Variants in DELE1 observed in about 807,000 individuals in gnomAD.
DELE1 encodes DAP3 binding cell death enhancer 1, also known as death ligand signal enhancer.
In DELE1, 54 loss-of-function variants were observed where a neutral mutation model predicts 59.3. That is an observed-to-expected ratio of 0.91 (90% CI 0.73 to 1.14). The LOEUF is 1.14. Ranked by LOEUF, DELE1 falls within the 50% of genes most tolerant of loss-of-function variation. The pLI, the probability that DELE1 is intolerant of heterozygous loss-of-function variation, is 0.00. For missense variants in DELE1, 636 were observed against 643.9 expected, an observed-to-expected ratio of 0.99 and a Z score of 0.13; for synonymous variants, 264 against 259.1, an observed-to-expected ratio of 1.02 and a Z score of -0.18.
rs779504493 is a variant in DELE1, at chr5:141,938,614, G to A, written c.1403G>A (p.Arg468His). Residue 468 changes from arginine to histidine, a missense_variant, in exon 12 of 12, where the codon CGC becomes CAC. Arg to His is a conservative substitution (Grantham distance 29). Coordinates refer to ENST00000432126, the MANE Select transcript of DELE1 (RefSeq NM_014773.5). The stretch of plus-strand genomic sequence containing the variant: ...AACACCCTGCTAGCAGGAACCTCAC[G>A]CCTACCACATGCCTCGAGCACAGGC... ...SLNTLLAGTS[R>H]LPHASSTGNL... 18 of 1,613,924 alleles carry A rather than the reference G, an allele frequency of 1.1e-5. No homozygotes were observed. The highest frequency in any genetic ancestry group is 6.7e-5 in the East Asian group (3 of 44,878).
At chr5:141,934,153 A>C in intron 8 of DELE1, 87 bp from the exon 9 acceptor site, 1 of 1,123,046 alleles carries the variant, frequency 8.9e-7, no homozygotes, top group Non-Finnish European at 1.2e-6. Flanking sequence ...TGTATTAGTT[A>C]ATTAAAATAA....
intron 8 of DELE1, 123 bp downstream of exon 8, chr5:141,933,524 T>C: frequency 1.5e-6 from 1 of 670,706 alleles, no homozygotes; most frequent in Non-Finnish European, 2.2e-6. Context: ...CTAGCCCAGC[T>C]GCGAAGGAAA....
intron 11 of DELE1, among the ~76,000 whole-genome samples, chr5:141,937,899 A>G (rs1057040240): frequency 1.3e-5 from 2 of 148,638 alleles, no homozygotes; most frequent in Non-Finnish European, 3.0e-5. Flanking sequence ...ATCTCGGCTC[A>G]CTGCAACCTC....
Position 141,939,485 on chromosome 5 carries a change from A to G in DELE1, c.*726A>G, listed in dbSNP as rs1157639391. ...CCCCCGTGGGCTCATAATCGTTTTC[A>G]TTTCACCTTTGATTTGGAAGGAAGA... On this transcript the variant is annotated 3_prime_UTR_variant, in exon 12 of 12. Coordinates refer to ENST00000432126, the MANE Select transcript of DELE1 (RefSeq NM_014773.5). 4.1e-6 allele frequency: 4 copies of G among 985,634 alleles called. No homozygotes were observed. Among genetic ancestry groups the G allele is most frequent in the Non-Finnish European group, 4.8e-6 (4 of 829,928 alleles). The allele number at this position is 985,634 out of a possible 1,614,324, so 61.1% of individuals were successfully genotyped here. A position where few individuals can be genotyped will look rare whatever the true frequency, so the allele number is the denominator to read the frequency against.
chr5:141,938,278 G>A (rs1270328220), intron 11 of DELE1, among the ~76,000 whole-genome samples: 2 of 152,188 alleles, frequency 1.3e-5, no homozygotes, highest in Non-Finnish European at 2.9e-5. Flanking sequence ...ACTTAGCACA[G>A]CCTGACAGCA....
chr5:141,925,354 C>T (rs1267163008), intron 2 of DELE1, 56 bp from the exon 3 acceptor site: 8 of 1,239,774 alleles, frequency 6.5e-6, no homozygotes, highest in Admixed American at 2.4e-5. Context: ...AGCCACCGCA[C>T]CCAGTCCCTG....
At position 141,940,488 on chromosome 5, in the gene DELE1, T is replaced by C. The variant is rs544024787; in HGVS notation, c.*1729T>C. 36 of 985,274 alleles carry C rather than the reference T, an allele frequency of 3.7e-5. No individual in the cohort carries two copies. In the African/African-American group the frequency reaches 6.1e-4, roughly 17 times the overall value. The allele number at this position is 985,274 out of a possible 1,614,324, so 61.0% of individuals were successfully genotyped here. A position where few individuals can be genotyped will look rare whatever the true frequency, so the allele number is the denominator to read the frequency against. On this transcript the variant is annotated 3_prime_UTR_variant, in exon 12 of 12. Coordinates refer to ENST00000432126, the MANE Select transcript of DELE1 (RefSeq NM_014773.5). ...AGTGGAGACCAACCAGCCTGGCCAATTCAAAGGCAAGAAGATTTGAGGGGG... is the reference window on the plus strand; with the variant it reads ...AGTGGAGACCAACCAGCCTGGCCAACTCAAAGGCAAGAAGATTTGAGGGGG...
At chr5:141,936,912 C>A (rs897965589) in intron 10 of DELE1, 1 of 985,358 alleles carries the variant, frequency 1.0e-6, no homozygotes, top group Non-Finnish European at 1.2e-6. Context: ...TTTCCTGTAG[C>A]CTTCGTTGTG....
At chr5:141,934,126 C>T in intron 8 of DELE1, 114 bp from the exon 9 acceptor site, 1 of 789,988 alleles carries the variant, frequency 1.3e-6, no homozygotes, top group Non-Finnish European at 1.8e-6. Context: ...AATTTTCTGA[C>T]TAGTCTATAA....
chr5:141,931,877 A>G (rs1244592633), intron 7 of DELE1, among the ~76,000 whole-genome samples: 1 of 152,134 alleles, frequency 6.6e-6, no homozygotes, highest in East Asian at 1.9e-4. Flanking sequence ...CCCTTCATTC[A>G]TATATTCATT....
intron 3 of DELE1, among the ~76,000 whole-genome samples, chr5:141,925,743 C>T (rs537525942): frequency 9.2e-5 from 14 of 152,136 alleles, no homozygotes; most frequent in South Asian, 6.2e-4. Flanking sequence ...TATGTAACAC[C>T]TTGTCTGGGC....
At position 141,925,540 on chromosome 5, in the gene DELE1, C is replaced by T. The variant is rs1236360736; in HGVS notation, c.264+13C>T. ...TGCCATATCTTGGGTAAGGCTTCCCCAGCCTGGTCCTTGACCTTCAGTGTA... is the reference window on the plus strand; with the variant it reads ...TGCCATATCTTGGGTAAGGCTTCCCTAGCCTGGTCCTTGACCTTCAGTGTA... On this transcript the variant is annotated intron_variant, in intron 3 of 11. Transcript: ENST00000432126. 1 of 1,534,786 alleles carries T rather than the reference C, an allele frequency of 6.5e-7. No homozygotes were observed. Among genetic ancestry groups the T allele is most frequent in the South Asian group, 1.2e-5 (1 of 84,366 alleles).
intron 7 of DELE1, 50 bp downstream of exon 7, chr5:141,930,324 G>C (rs1339534455): frequency 1.5e-6 from 2 of 1,319,552 alleles, no homozygotes; most frequent in Admixed American, 1.8e-5. Context: ...AAATGGAAAG[G>C]GTATGGGGTA....
chr5:141,926,979 C>T (rs1173183204), intron 3 of DELE1, among the ~76,000 whole-genome samples: 1 of 152,208 alleles, frequency 6.6e-6, no homozygotes, highest in African/African-American at 2.4e-5. Context: ...GGCCTTAGCC[C>T]ACACGTCACC....
rs898408408 is a variant in DELE1, at chr5:141,941,951, G to A, written c.*3192G>A. 3.2e-5 allele frequency: 32 copies of A among 984,756 alleles called. No individual in the cohort carries two copies. Among genetic ancestry groups the A allele is most frequent in the East Asian group, 2.3e-4 (2 of 8,826 alleles). The allele number at this position is 984,756 out of a possible 1,614,324, so 61.0% of individuals were successfully genotyped here. ...AATTCTGTATTGCCCCCCACTCGCCGCCTATACACACGCACACACGCACAC... is the reference window on the plus strand; with the variant it reads ...AATTCTGTATTGCCCCCCACTCGCCACCTATACACACGCACACACGCACAC... On this transcript the variant is annotated 3_prime_UTR_variant, in exon 12 of 12. Transcript: ENST00000432126.
At position 141,937,327 on chromosome 5, in the gene DELE1, C is replaced by T; in HGVS notation, c.1279C>T (p.Leu427=). ...GGGAAATGAGGCCGCCCAGGAGAGG[C>T]TGCGAGCCCTCTTTTCCATGGGGGC... ...ALGNEAAQER[L]RALFSMGAAA... Residue 427 remains leucine, a synonymous_variant, in exon 11 of 12, where the codon CTG becomes TTG. Coordinates refer to ENST00000432126, the MANE Select transcript of DELE1 (RefSeq NM_014773.5). 3 of 1,614,154 alleles carry T rather than the reference C, an allele frequency of 1.9e-6. No individual in the cohort carries two copies. The highest frequency in any genetic ancestry group is 2.5e-6 in the Non-Finnish European group (3 of 1,180,024).
Position 141,930,348 on chromosome 5 carries a change from C to G in DELE1, c.754+74C>G, listed in dbSNP as rs189343437. ...GGGTATGGGGTAGCTCAGATATAGT[C>G]AAGATAGGGAGTGGCTTAAACGAGA... On this transcript the variant is annotated intron_variant, in intron 7 of 11. Transcript: ENST00000432126. 107 of 1,084,876 alleles carry G rather than the reference C, an allele frequency of 9.9e-5. 1 individual carries two copies. The East Asian group carries it at 1.9e-3, about 19-fold the overall frequency. The allele number at this position is 1,084,876 out of a possible 1,614,324, so 67.2% of individuals were successfully genotyped here.
chr5:141,932,960 G>A (rs1752029311), intron 7 of DELE1, among the ~76,000 whole-genome samples: 1 of 151,596 alleles, frequency 6.6e-6, no homozygotes, highest in Non-Finnish European at 1.5e-5. Flanking sequence ...CCAGGCATGG[G>A]GTCAGGCATC....
chr5:141,936,789 A>G, intron 10 of DELE1: 1 of 760,148 alleles, frequency 1.3e-6, no homozygotes, highest in Non-Finnish European at 1.6e-6. Context: ...TCCCAGGCAG[A>G]GATTCAGGAA....
Sources: gnomAD v4.1 joint callset for allele counts (sites outside exome capture counted in the v4.1 genomes callset) on GRCh38, gnomAD v4.1.1 for gene constraint, MANE v1.5 for transcripts, NCBI Gene and HGNC (gene_info 2026-07-23, HGNC 2026-07-21) for gene names.